Variants in FSTL5 observed in about 807,000 individuals in gnomAD.
FSTL5 encodes the protein follistatin-related protein 5.
FSTL5 carries 62 observed loss-of-function variants against 89.1 expected under a neutral mutation model. That is an observed-to-expected ratio of 0.70 (90% CI 0.57 to 0.86). The LOEUF (loss-of-function observed/expected upper bound fraction) is 0.86, where lower values mean the gene tolerates loss of function less well. FSTL5 is among the 40% of genes least tolerant of loss of function. FSTL5 has a pLI of 0.00. For synonymous variants in FSTL5, 383 were observed against 346.2 expected (o/e 1.11, Z -1.18); for missense variants, 1,057 against 1,001.6 (o/e 1.06, Z -0.75).
intron 3 of FSTL5, among the ~76,000 whole-genome samples, chr4:161,946,699 T>A (rs976971516): frequency 6.6e-6 from 1 of 152,212 alleles, no homozygotes; most frequent in African/African-American, 2.4e-5. Flanking sequence ...ATAAAGCTGC[T>A]AGGAACATTC....
Position 161,858,926 on chromosome 4 carries a change from G to GAA in FSTL5, c.409+61476_409+61477dup, listed in dbSNP as rs372366020. 7.3e-4 allele frequency among the ~76,000 whole-genome samples: 110 copies of GAA among 151,242 alleles called. 1 individual carries two copies. Among genetic ancestry groups the GAA allele is most frequent in the African/African-American group, 2.6e-3 (106 of 41,280 alleles). Reference sequence around the variant, plus strand: ...TGTGGGAATAGTCCAATATTGCTGGGAAAAAAAAATCTCATATAAGTCTTA... The same window carrying GAA: ...TGTGGGAATAGTCCAATATTGCTGGGAAAAAAAAAAATCTCATATAAGTCTTA... On this transcript the variant is annotated intron_variant, in intron 4 of 15. Coordinates refer to ENST00000306100, the MANE Select transcript of FSTL5 (RefSeq NM_020116.5).
At chr4:161,827,477 T>A (rs985906933) in intron 4 of FSTL5, among the ~76,000 whole-genome samples, 1 of 152,150 alleles carries the variant, frequency 6.6e-6, no homozygotes, top group Non-Finnish European at 1.5e-5. Context: ...TGTGGTAGCA[T>A]AGGGAGGATC....
intron 3 of FSTL5, among the ~76,000 whole-genome samples, chr4:161,928,581 A>AGT (rs1433332430): frequency 6.6e-6 from 1 of 151,736 alleles, no homozygotes; most frequent in Non-Finnish European, 1.5e-5. Context: ...ATCAGTAGTT[A>AGT]GTGTCTGCAA....
At chr4:161,700,230 A>G (rs1355137595) in intron 6 of FSTL5, among the ~76,000 whole-genome samples, 1 of 152,224 alleles carries the variant, frequency 6.6e-6, no homozygotes, top group East Asian at 1.9e-4. Flanking sequence ...TAAAGAAACT[A>G]TGGCACAGAG....
chr4:161,524,812 G>T (rs1578898263), intron 10 of FSTL5, among the ~76,000 whole-genome samples: 2 of 152,098 alleles, frequency 1.3e-5, no homozygotes, highest in African/African-American at 4.8e-5. Flanking sequence ...ACAAAAATTA[G>T]CCGGAGGTGG....
chr4:162,108,434 G>T (rs1391649867), intron 2 of FSTL5, among the ~76,000 whole-genome samples: 2 of 151,906 alleles, frequency 1.3e-5, no homozygotes, highest in Non-Finnish European at 2.9e-5. Flanking sequence ...TCTTTGTTCA[G>T]ATTCAAAGTA....
At position 161,528,690 on chromosome 4, in the gene FSTL5, C is replaced by T. The variant is rs182313998; in HGVS notation, c.1312+9476G>A. ...ATGCCATTATCTGACCGAATTCCTG[C>T]AACAGAGAACACTAAGAGAATCATA... On this transcript the variant is annotated intron_variant, in intron 10 of 15. Coordinates refer to ENST00000306100, the MANE Select transcript of FSTL5 (RefSeq NM_020116.5). 3.8e-4 allele frequency among the ~76,000 whole-genome samples: 54 copies of T among 143,294 alleles called. 5 individuals carry two copies. Among genetic ancestry groups the T allele is most frequent in the African/African-American group, 1.3e-3 (52 of 40,062 alleles). 94.0% of individuals were successfully genotyped at this position (143,294 alleles called of 152,430 possible).
At chr4:161,761,043 A>G (rs897552562) in intron 5 of FSTL5, among the ~76,000 whole-genome samples, 3 of 152,158 alleles carry the variant, frequency 2.0e-5, no homozygotes, top group African/African-American at 7.2e-5. Context: ...CAACTCAGTG[A>G]GTTCTTTATT....
intron 4 of FSTL5, among the ~76,000 whole-genome samples, chr4:161,805,647 C>T (rs1157948613): frequency 6.6e-6 from 1 of 152,000 alleles, no homozygotes; most frequent in African/African-American, 2.4e-5. Context: ...GGCATCAGGA[C>T]AAGTATTTTC....
intron 4 of FSTL5, among the ~76,000 whole-genome samples, chr4:161,845,158 CT>C (rs1483265519): frequency 6.6e-6 from 1 of 152,138 alleles, no homozygotes; most frequent in East Asian, 1.9e-4. Flanking sequence ...ACCCAAGAAA[CT>C]TTTAAAATGT....
At chr4:161,423,156 A>C (rs1056131747) in intron 15 of FSTL5, among the ~76,000 whole-genome samples, 6 of 152,210 alleles carry the variant, frequency 3.9e-5, no homozygotes, top group African/African-American at 1.4e-4. Flanking sequence ...TTTCAAAGCC[A>C]TATGGGACAA....
chr4:161,738,429 G>T (rs1052638858), intron 6 of FSTL5, among the ~76,000 whole-genome samples: 3 of 151,898 alleles, frequency 2.0e-5, no homozygotes, highest in African/African-American at 7.2e-5. Context: ...AAATAAGAAG[G>T]TCAAGAATGG....
chr4:161,751,275 C>A (rs1252825380), intron 6 of FSTL5, among the ~76,000 whole-genome samples: 1 of 152,084 alleles, frequency 6.6e-6, no homozygotes, highest in Non-Finnish European at 1.5e-5. Flanking sequence ...TCTCTCTTTC[C>A]ATTACACTTG....
At chr4:161,643,657 C>G (rs779704944) in intron 7 of FSTL5, among the ~76,000 whole-genome samples, 5 of 152,072 alleles carry the variant, frequency 3.3e-5, no homozygotes, top group Non-Finnish European at 7.4e-5. Context: ...CTTGCCTACT[C>G]TATTGCATAT....
chr4:162,107,472 G>A (rs751618430), intron 2 of FSTL5, among the ~76,000 whole-genome samples: 3 of 152,048 alleles, frequency 2.0e-5, no homozygotes, highest in Non-Finnish European at 4.4e-5. Flanking sequence ...AGTGTCCAAG[G>A]AACTTTCTCA....
intron 7 of FSTL5, among the ~76,000 whole-genome samples, chr4:161,601,418 C>T (rs1734232552): frequency 6.6e-6 from 1 of 151,268 alleles, no homozygotes; most frequent in African/African-American, 2.4e-5. Context: ...AGAGAAAGAC[C>T]CTCCTTGTTC....
At chr4:162,026,304 C>CCTTTTTTTTTTTT (rs1737280662) in intron 3 of FSTL5, among the ~76,000 whole-genome samples, 1 of 79,474 alleles carries the variant, frequency 1.3e-5, no homozygotes, top group African/African-American at 4.9e-5. Context: ...TATGTATTTT[C>CCTTTTTTTTTTTT]TTTTTTTTTT....
chr4:162,156,154 A>G (rs1267468339), intron 1 of FSTL5, among the ~76,000 whole-genome samples: 3 of 152,140 alleles, frequency 2.0e-5, no homozygotes, highest in Non-Finnish European at 2.9e-5. Flanking sequence ...CACGTCACAA[A>G]TCAATCATCA....
chr4:162,141,695 G>A (rs1451181980), intron 1 of FSTL5, among the ~76,000 whole-genome samples: 2 of 152,136 alleles, frequency 1.3e-5, no homozygotes, highest in Non-Finnish European at 2.9e-5. Flanking sequence ...GCGGGAAGAG[G>A]AGAAGATAAC....
Sources: allele counts gnomAD v4.1 joint callset (sites outside exome capture counted in the v4.1 genomes callset), GRCh38; gene constraint gnomAD v4.1.1; transcripts MANE v1.5; gene names NCBI Gene and HGNC (gene_info 2026-07-23, HGNC 2026-07-21).